Variants in CHFR observed in about 807,000 individuals in gnomAD.
The protein encoded by CHFR is E3 ubiquitin-protein ligase CHFR.
Under a neutral mutation model 87.6 loss-of-function variants are expected in CHFR, and 57 were observed. That is an observed-to-expected ratio of 0.65 (90% CI 0.53 to 0.81). The LOEUF (loss-of-function observed/expected upper bound fraction) is 0.81. CHFR is among the 30% of genes least tolerant of loss of function. The pLI is 0.00. For synonymous variants in CHFR, 381 were observed against 359.2 expected (o/e 1.06, Z -0.69); for missense variants, 797 against 865.8 (o/e 0.92, Z 1.00).
At chr12:132,860,855 C>G (rs540234135) in intron 7 of CHFR, among the ~76,000 whole-genome samples, 1 of 152,186 alleles carries the variant, frequency 6.6e-6, no homozygotes, top group African/African-American at 2.4e-5. Context: ...CGGGTTCAAG[C>G]AATTCTCCTG....
chr12:132,878,837 A>C (rs1951696253), intron 2 of CHFR, among the ~76,000 whole-genome samples: 1 of 151,134 alleles, frequency 6.6e-6, no homozygotes, highest in Admixed American at 6.6e-5. Context: ...AAAAAAGAAA[A>C]AAAAAAACTC....
At chr12:132,848,794 C>T in intron 12 of CHFR, 70 bp from the exon 13 acceptor site, 3 of 1,166,654 alleles carry the variant, frequency 2.6e-6, no homozygotes, top group Non-Finnish European at 3.7e-6. Flanking sequence ...TCGTCAGCAC[C>T]AGGCTCAGGA....
At chr12:132,874,154 A>T (rs1408960869) in intron 3 of CHFR, among the ~76,000 whole-genome samples, 1 of 152,216 alleles carries the variant, frequency 6.6e-6, no homozygotes, top group Non-Finnish European at 1.5e-5. Context: ...CCCATATCGG[A>T]CTCTGGACCT....
At chr12:132,852,534 C>T (rs559183212) in intron 11 of CHFR, among the ~76,000 whole-genome samples, 31 of 152,282 alleles carry the variant, frequency 2.0e-4, no homozygotes, top group African/African-American at 7.5e-4. Context: ...GGTCAACATG[C>T]CGGCCATAAG....
In CHFR at chr12:132,840,545, T is replaced by C. The variant is rs1488453973; in HGVS notation, c.*1009A>G. 26 of 152,668 alleles carry C rather than the reference T, an allele frequency of 1.7e-4. No homozygotes were observed. The highest frequency in any genetic ancestry group is 1.6e-3 in the Admixed American group (24 of 15,290). The allele number at this position is 152,668 out of a possible 1,614,324, so 9.5% of individuals were successfully genotyped here. Reference sequence around the variant, plus strand: ...TTTCAACAAAAGATAAAAAACTTTTTTTTCCAAAAATCAAAATTTCAAGTA... The same window carrying C: ...TTTCAACAAAAGATAAAAAACTTTTCTTTCCAAAAATCAAAATTTCAAGTA... On this transcript the variant is annotated 3_prime_UTR_variant, in exon 18 of 18. Transcript: ENST00000450056.
chr12:132,862,895 T>C (rs548491570), intron 6 of CHFR, among the ~76,000 whole-genome samples: 109 of 144,756 alleles, frequency 7.5e-4, no homozygotes, highest in African/African-American at 2.6e-3. Flanking sequence ...CTCATTTCTT[T>C]TGTTTTCTTT....
intron 10 of CHFR, 113 bp downstream of exon 10, chr12:132,856,355 G>A: frequency 1.7e-6 from 2 of 1,162,098 alleles, no homozygotes; most frequent in Admixed American, 3.8e-5. Flanking sequence ...TGGCTGCTCA[G>A]GGCAGAACTA....
chr12:132,878,201 T>C (rs972425341), intron 2 of CHFR, among the ~76,000 whole-genome samples: 1 of 152,192 alleles, frequency 6.6e-6, no homozygotes, highest in Non-Finnish European at 1.5e-5. Flanking sequence ...CCAGGCGCAG[T>C]GGCTCATACT....
intron 10 of CHFR, chr12:132,854,386 C>T (rs1307577773): frequency 1.3e-5 from 2 of 152,196 alleles, no homozygotes; most frequent in Non-Finnish European, 2.9e-5. Context: ...CTCTGTGACT[C>T]GACTGCTTCA....
chr12:132,874,611 G>C (rs1246763683), intron 3 of CHFR, among the ~76,000 whole-genome samples: 5 of 99,552 alleles, frequency 5.0e-5, no homozygotes, highest in Non-Finnish European at 1.2e-4. Flanking sequence ...AGAACAGGCG[G>C]GACTGCCCAG....
intron 17 of CHFR, among the ~76,000 whole-genome samples, chr12:132,842,284 G>A (rs1195097098): frequency 1.3e-5 from 2 of 152,220 alleles, no homozygotes; most frequent in African/African-American, 4.8e-5. Flanking sequence ...GGGCAAGGAG[G>A]ACCAGCATGG....
chr12:132,836,831 C>G lies in CHFR; in HGVS notation c.*4723G>C, dbSNP rs1291776862. 2.2e-5 allele frequency: 10 copies of G among 451,902 alleles called. No individual in the cohort carries two copies. The East Asian group carries it at 6.3e-4, about 28-fold the overall frequency. 28.0% of individuals were successfully genotyped at this position (451,902 alleles called of 1,614,324 possible). The stretch of plus-strand genomic sequence containing the variant: ...TCATCAGACCTTCACCGTTCAGTAG[C>G]CAACTGGTCAGTGATCAGTAGATGC... On this transcript the variant is annotated 3_prime_UTR_variant, in exon 18 of 18. Transcript: ENST00000450056.
intron 2 of CHFR, 31 bp from the exon 3 acceptor site, chr12:132,877,685 T>A: frequency 5.4e-6 from 8 of 1,470,838 alleles, no homozygotes; most frequent in Non-Finnish European, 7.6e-6. Flanking sequence ...CAACACGGGA[T>A]ATGATCGTGG....
intron 2 of CHFR, among the ~76,000 whole-genome samples, chr12:132,878,989 T>G (rs1351930787): frequency 1.2e-4 from 17 of 143,584 alleles, no homozygotes; most frequent in African/African-American, 1.8e-4. Flanking sequence ...AGGCATTTGT[T>G]TTTTTTTTTG....
rs1566168151 is a variant in CHFR, at chr12:132,837,096, G to A, written c.*4458C>T. 1 of 314,720 alleles carries A rather than the reference G, an allele frequency of 3.2e-6. No homozygotes were observed. Among genetic ancestry groups the A allele is most frequent in the South Asian group, 2.6e-5 (1 of 38,384 alleles). 19.5% of individuals were successfully genotyped at this position (314,720 alleles called of 1,614,324 possible). A position where few individuals can be genotyped will look rare whatever the true frequency, so the allele number is the denominator to read the frequency against. On this transcript the variant is annotated 3_prime_UTR_variant, in exon 18 of 18. Coordinates refer to ENST00000450056, the MANE Select transcript of CHFR (RefSeq NM_001161346.2). ...GAGGGGCTGTTTGTGAGAATTAGCT[G>A]GTTCGGTGGAGAAGCAGAGGAACAC...
intron 2 of CHFR, among the ~76,000 whole-genome samples, chr12:132,883,388 T>C (rs1440473979): frequency 7.1e-6 from 1 of 141,180 alleles, no homozygotes; most frequent in East Asian, 2.1e-4. Context: ...ATCACATCAT[T>C]GCACTCCAGC....
intron 17 of CHFR, 78 bp downstream of exon 17, chr12:132,842,933 A>AT: frequency 8.5e-7 from 1 of 1,180,410 alleles, no homozygotes; most frequent in Non-Finnish European, 1.2e-6. Context: ...CATAATGACC[A>AT]TATCAGCCTA....
At chr12:132,863,039 G>A (rs1283640141) in intron 6 of CHFR, among the ~76,000 whole-genome samples, 1 of 148,892 alleles carries the variant, frequency 6.7e-6, no homozygotes, top group African/African-American at 2.5e-5. Flanking sequence ...TGGGACTACA[G>A]GTGCCCGCCA....
chr12:132,873,190 G>A (rs547712957), intron 3 of CHFR, among the ~76,000 whole-genome samples: 12 of 152,294 alleles, frequency 7.9e-5, no homozygotes, highest in African/African-American at 2.4e-4. Context: ...ACTCACATCC[G>A]AGTGACCACC....
Sources: gnomAD v4.1 joint callset for allele counts (sites outside exome capture counted in the v4.1 genomes callset) on GRCh38, gnomAD v4.1.1 for gene constraint, MANE v1.5 for transcripts, NCBI Gene and HGNC (gene_info 2026-07-23, HGNC 2026-07-21) for gene names.